C14orf39: variants seen among roughly 807,000 people sequenced by gnomAD.
The protein encoded by C14orf39 is chromosome 14 open reading frame 39.
A neutral mutation model predicts 85.6 loss-of-function variants in C14orf39; 66 were observed. The observed-to-expected ratio is 0.77, with a 90% CI of 0.63 to 0.95. The LOEUF is 0.95. Ranked by LOEUF, C14orf39 falls within the 40% of genes least tolerant of loss-of-function variation. C14orf39 has a pLI of 0.00. For missense variants in C14orf39, 735 were observed against 663.9 expected (o/e 1.11, Z -1.18); for synonymous variants, 242 against 214.0 (o/e 1.13, Z -1.14).
At position 60,478,336 on chromosome 14, in the gene C14orf39, T is replaced by C; in HGVS notation, c.287A>G (p.Gln96Arg). 3.2e-6 allele frequency: 5 copies of C among 1,580,616 alleles called. No homozygotes were observed. Among genetic ancestry groups the C allele is most frequent in the Non-Finnish European group, 4.3e-6 (5 of 1,166,966 alleles). Reference sequence around the variant, plus strand: ...AACAGTTCCTTGATAAACAGTAAATTGGTCCTGCATATAATCTTCATGTTT... The same window carrying C: ...AACAGTTCCTTGATAAACAGTAAATCGGTCCTGCATATAATCTTCATGTTT... Reference protein sequence around the residue: ...FRKHEDYMQDQFTVYQGTVEK... With the variant: ...FRKHEDYMQDRFTVYQGTVEK... The change falls in exon 5 of 18, where the codon CAA (glutamine) becomes CGA (arginine). Residue 96 changes from glutamine to arginine, a missense_variant. By Grantham distance (43) the Gln-to-Arg change is conservative (BLOSUM62 1). Coordinates refer to ENST00000321731, the MANE Select transcript of C14orf39 (RefSeq NM_174978.3).
chr14:60,489,538 T>C (rs1334317060), upstream of C14orf39, among the ~76,000 whole-genome samples: 1 of 152,206 alleles, frequency 6.6e-6, no homozygotes, highest in Non-Finnish European at 1.5e-5. Flanking sequence ...AAACATATGA[T>C]CCTACTTAAA....
At chr14:60,494,050 C>T (rs1172612565) in intron 2 of C14orf39, 6 of 265,700 alleles carry the variant, frequency 2.3e-5, no homozygotes, top group African/African-American at 9.1e-5. Flanking sequence ...CTCTAGACCA[C>T]GGAGATTTCA....
intron 9 of C14orf39, 89 bp downstream of exon 9, chr14:60,468,356 T>C: frequency 4.5e-6 from 3 of 661,382 alleles, no homozygotes; most frequent in Non-Finnish European, 2.4e-6. Flanking sequence ...ACTGTGTAAA[T>C]ATTAGTGGTT....
chr14:60,474,388 T>G (rs1410722031), intron 5 of C14orf39, among the ~76,000 whole-genome samples: 1 of 100,218 alleles, frequency 1.0e-5, no homozygotes, highest in African/African-American at 3.1e-5. Flanking sequence ...TGAATACCAT[T>G]TATTTCTTTC....
intron 1 of C14orf39, among the ~76,000 whole-genome samples, chr14:60,500,315 C>G (rs1028790393): frequency 2.0e-5 from 3 of 152,176 alleles, no homozygotes; most frequent in Admixed American, 1.3e-4. Context: ...GTGTCAGCCA[C>G]CACGCCTGGC....
intron 17 of C14orf39, among the ~76,000 whole-genome samples, chr14:60,438,185 A>G (rs1163354726): frequency 6.6e-6 from 1 of 151,958 alleles, no homozygotes; most frequent in Non-Finnish European, 1.5e-5. Flanking sequence ...TTATTTTTAA[A>G]CATCTCAATT....
intron 16 of C14orf39, among the ~76,000 whole-genome samples, chr14:60,452,041 G>T (rs959595637): frequency 2.7e-5 from 4 of 150,666 alleles, no homozygotes; most frequent in Non-Finnish European, 5.9e-5. Flanking sequence ...AAAAAAATTA[G>T]CCAGGCATGG....
chr14:60,499,662 C>A (rs878991460), intron 1 of C14orf39, among the ~76,000 whole-genome samples: 7 of 152,192 alleles, frequency 4.6e-5, no homozygotes, highest in Admixed American at 1.3e-4. Context: ...TAAGGCAGAA[C>A]TGGATTTGAT....
chr14:60,480,812 T>C (rs900599106), intron 4 of C14orf39, among the ~76,000 whole-genome samples: 1 of 152,094 alleles, frequency 6.6e-6, no homozygotes, highest in African/African-American at 2.4e-5. Flanking sequence ...ACAACATAAA[T>C]GGAACTAAAG....
intron 16 of C14orf39, 65 bp from the exon 17 acceptor site, chr14:60,442,196 A>T: frequency 9.8e-7 from 1 of 1,018,794 alleles, no homozygotes. Flanking sequence ...TAGTACATAT[A>T]TTTGAATCTA....
intron 11 of C14orf39, among the ~76,000 whole-genome samples, chr14:60,464,355 CTTGT>C (rs1891680291): frequency 6.6e-6 from 1 of 152,108 alleles, no homozygotes; most frequent in African/African-American, 2.4e-5. Flanking sequence ...AAACGTTTAT[CTTGT>C]TTAAGATGCT....
At chr14:60,478,447 G>T (rs974210095) in intron 4 of C14orf39, 58 bp from the exon 5 acceptor site, 2 of 813,254 alleles carry the variant, frequency 2.5e-6, no homozygotes, top group Non-Finnish European at 3.7e-6. Context: ...AATTGATAGA[G>T]ATAATAAAAA....
chr14:60,509,542 C>G (rs1248467011), intron 1 of C14orf39: 2 of 1,610,354 alleles, frequency 1.2e-6, no homozygotes, highest in South Asian at 1.1e-5. Context: ...AGGCCCTCAA[C>G]AAGAATGAGT....
intron 1 of C14orf39, chr14:60,509,332 G>T (rs1289419887): frequency 1.1e-5 from 15 of 1,375,424 alleles, no homozygotes; most frequent in Non-Finnish European, 1.5e-5. Flanking sequence ...ACTCAGCCAG[G>T]CCCGCGGGCA....
At chr14:60,462,430 T>A (rs1242162975) in intron 11 of C14orf39, among the ~76,000 whole-genome samples, 1 of 152,134 alleles carries the variant, frequency 6.6e-6, no homozygotes, top group Non-Finnish European at 1.5e-5. Context: ...AACCATTATT[T>A]TATTAACGTT....
intron 2 of C14orf39, chr14:60,495,616 C>A: frequency 9.6e-6 from 2 of 209,002 alleles, no homozygotes; most frequent in South Asian, 1.0e-4. Context: ...TGAAGGTTTG[C>A]CTTTACCTGA....
rs193094351 is a variant in C14orf39 at position 60,473,429 on chromosome 14, T to C, written c.324-1690A>G. Among the ~76,000 whole-genome samples the C allele has an allele frequency of 2.0e-4, 30 of 152,360 alleles. No individual in the cohort carries two copies. The East Asian group carries it at 2.3e-3, about 12-fold the overall frequency. On this transcript the variant is annotated intron_variant, in intron 5 of 17. Coordinates refer to ENST00000321731, the MANE Select transcript of C14orf39 (RefSeq NM_174978.3). ...TTTAATTAGATCCCAATTGTCAATT[T>C]TGGCTTTTGTTGCCATTGCTTTTGG...
intron 16 of C14orf39, among the ~76,000 whole-genome samples, chr14:60,449,120 G>A (rs1379407285): frequency 1.3e-5 from 2 of 152,074 alleles, no homozygotes; most frequent in Non-Finnish European, 2.9e-5. Flanking sequence ...AACCAACATG[G>A]CACATGTATA....
At chr14:60,452,511 G>A (rs952826394) in intron 16 of C14orf39, among the ~76,000 whole-genome samples, 9 of 151,900 alleles carry the variant, frequency 5.9e-5, no homozygotes, top group Admixed American at 2.0e-4. Context: ...GGTTGGGGGC[G>A]GGGGACTGGG....
Sources: gnomAD v4.1 joint callset for allele counts (sites outside exome capture counted in the v4.1 genomes callset) on GRCh38, gnomAD v4.1.1 for gene constraint, MANE v1.5 for transcripts, NCBI Gene and HGNC (gene_info 2026-07-23, HGNC 2026-07-21) for gene names.